PABIR3: variants seen among roughly 807,000 people sequenced by gnomAD.
PABIR3 encodes PABIR family member 1.
In PABIR3, 20 loss-of-function variants were observed where a neutral mutation model predicts 23.1. The ratio of observed to expected loss-of-function variants is 0.86; its 90% CI spans 0.61 to 1.26. The LOEUF (loss-of-function observed/expected upper bound fraction) is 1.26. Among genes scored for constraint, PABIR3 ranks in the 50% most tolerant of loss-of-function variants. PABIR3 has a pLI of 0.00. For synonymous variants in PABIR3, 69 were observed against 68.5 expected, an observed-to-expected ratio of 1.01 and a Z score of -0.04; for missense variants, 189 against 195.4, an observed-to-expected ratio of 0.97 and a Z score of 0.20.
chrX:134,797,162 T>G (rs950309350), intron 1 of PABIR3: 2 of 113,816 alleles, frequency 1.8e-5, no homozygotes, highest in Non-Finnish European at 3.7e-5. Context: ...AGCGGGAACC[T>G]CCGCTGGGCC....
chrX:134,857,555 T>C (rs2082756241), downstream of PABIR3, among the ~76,000 whole-genome samples: 1 of 111,850 alleles, frequency 8.9e-6, no homozygotes, highest in African/African-American at 3.3e-5. Flanking sequence ...GGTATAATTT[T>C]AGAATTTTGA....
At chrX:134,814,419 C>T (rs1438506004) in intron 2 of PABIR3, among the ~76,000 whole-genome samples, 4 of 111,500 alleles carry the variant, frequency 3.6e-5, no homozygotes, top group South Asian at 3.7e-4. Flanking sequence ...ATTTTGTGGC[C>T]GGGCATGGTG....
chrX:134,814,887 T>C (rs766881509), intron 3 of PABIR3, 38 bp downstream of exon 3: 2 of 1,013,964 alleles, frequency 2.0e-6, no homozygotes, highest in Non-Finnish European at 2.7e-6. Context: ...TGTCTAAGAC[T>C]TGTGCTTATT....
At chrX:134,821,259 A>C (rs2081278652) in intron 3 of PABIR3, 3 of 966,846 alleles carry the variant, frequency 3.1e-6, no homozygotes, top group East Asian at 3.5e-5. Flanking sequence ...AAAAAAAAAA[A>C]AAAAAAAACT....
chrX:134,815,088 C>G (rs1410831816), intron 3 of PABIR3, among the ~76,000 whole-genome samples: 1 of 111,861 alleles, frequency 8.9e-6, no homozygotes, highest in Non-Finnish European at 1.9e-5. Context: ...AAAATAAACA[C>G]ATTGACTACA....
intron 3 of PABIR3, among the ~76,000 whole-genome samples, chrX:134,825,662 A>T (rs971479466): frequency 1.4e-4 from 15 of 109,076 alleles, no homozygotes; most frequent in Admixed American, 4.0e-4. Flanking sequence ...CAACTGTCAG[A>T]TTTTTTTTAT....
intron 2 of PABIR3, among the ~76,000 whole-genome samples, chrX:134,814,462 C>G (rs1213908521): frequency 1.8e-5 from 2 of 111,628 alleles, no homozygotes; most frequent in African/African-American, 6.5e-5. Context: ...CTTTGGTGGG[C>G]CAAGGCGGGT....
chrX:134,805,480 C>T (rs757139332), upstream of PABIR3, among the ~76,000 whole-genome samples: 2 of 112,391 alleles, frequency 1.8e-5, no homozygotes, highest in Admixed American at 1.9e-4. Flanking sequence ...ACAAAGAATA[C>T]ATATTTATTA....
upstream of PABIR3, among the ~76,000 whole-genome samples, chrX:134,803,327 G>T (rs2080113041): frequency 9.0e-6 from 1 of 111,582 alleles, no homozygotes; most frequent in Non-Finnish European, 1.9e-5. Context: ...TTCCCCACCT[G>T]GGGCCCCTTT....
At chrX:134,827,854 TCTCTGTCCTTTGAA>T (rs1278627431) in intron 3 of PABIR3, among the ~76,000 whole-genome samples, 4 of 109,366 alleles carry the variant, frequency 3.7e-5, no homozygotes, top group Non-Finnish European at 3.8e-5. Context: ...CACACAGAGT[TCTCTGTCCTTTGAA>T]CTCTGTCCTT....
chrX:134,842,556 C>T (rs1419744275), intron 4 of PABIR3, among the ~76,000 whole-genome samples: 6 of 109,066 alleles, frequency 5.5e-5, no homozygotes, highest in Non-Finnish European at 7.6e-5. Flanking sequence ...TGCAGTGAGC[C>T]GAGATCGCGC....
downstream of PABIR3, among the ~76,000 whole-genome samples, chrX:134,856,081 G>C (rs769411340): frequency 1.5e-4 from 17 of 112,032 alleles, no homozygotes; most frequent in Non-Finnish European, 3.0e-4. Context: ...ATGGGGATAA[G>C]ACTACCACTC....
At chrX:134,822,180 A>T (rs1376841003) in intron 3 of PABIR3, 26 of 752,140 alleles carry the variant, frequency 3.5e-5, no homozygotes, top group Non-Finnish European at 4.1e-5. Flanking sequence ...AGTGTGAGAA[A>T]AAGGCACAGT....
chrX:134,823,671 A>G (rs1478092395), intron 3 of PABIR3, among the ~76,000 whole-genome samples: 1 of 111,576 alleles, frequency 9.0e-6, no homozygotes, highest in African/African-American at 3.3e-5. Flanking sequence ...AGGAAAACCT[A>G]AATTTTTCAG....
At chrX:134,848,173 C>G (rs917291189) in intron 8 of PABIR3, among the ~76,000 whole-genome samples, 7 of 110,664 alleles carry the variant, frequency 6.3e-5, no homozygotes, top group African/African-American at 2.3e-4. Flanking sequence ...GGTGGATCAC[C>G]TGAGGTAGGA....
At chrX:134,797,503 C>G (rs1467603963) in intron 1 of PABIR3, among the ~76,000 whole-genome samples, 2 of 112,533 alleles carry the variant, frequency 1.8e-5, no homozygotes, top group Admixed American at 9.3e-5. Context: ...GTGATCCCCA[C>G]TCATGCCTTA....
At chrX:134,828,047 CTATATA>C (rs61129426) in intron 3 of PABIR3, among the ~76,000 whole-genome samples, 2 of 49,409 alleles carry the variant, frequency 4.0e-5, no homozygotes, top group African/African-American at 1.6e-4. Context: ...CTCTCTCTCT[CTATATA>C]TATATATATA....
intron 2 of PABIR3, among the ~76,000 whole-genome samples, chrX:134,813,859 T>A (rs1434525047): frequency 9.0e-6 from 1 of 111,089 alleles, no homozygotes; most frequent in Non-Finnish European, 1.9e-5. Context: ...CACTGACCTG[T>A]CTTCAGTGGG....
chrX:134,837,720 TCTC>T (rs1451829658), intron 4 of PABIR3, among the ~76,000 whole-genome samples: 2 of 112,173 alleles, frequency 1.8e-5, no homozygotes, highest in African/African-American at 3.2e-5. Flanking sequence ...TCAACACTCT[TCTC>T]CTAACAACCT....
Sources: gnomAD v4.1 joint callset for allele counts (sites outside exome capture counted in the v4.1 genomes callset) on GRCh38, gnomAD v4.1.1 for gene constraint, MANE v1.5 for transcripts, NCBI Gene and HGNC (gene_info 2026-07-23, HGNC 2026-07-21) for gene names.